OSMR: variants seen among roughly 807,000 people sequenced by gnomAD.
The protein encoded by OSMR is oncostatin-M-specific receptor subunit beta.
In OSMR, 81 loss-of-function variants were observed where a neutral mutation model predicts 99.9. The ratio of observed to expected loss-of-function variants is 0.81; its 90% CI spans 0.68 to 0.97. OSMR has a LOEUF of 0.97. Among genes scored for constraint, OSMR ranks in the 50% least tolerant of loss-of-function variants. OSMR has a pLI of 0.00. For missense variants in OSMR, 1,099 were observed against 1,153.4 expected (o/e 0.95, Z 0.68); for synonymous variants, 406 against 410.4 (o/e 0.99, Z 0.13).
intron 1 of OSMR, chr5:38,942,297 T>C: frequency 1.3e-6 from 2 of 1,549,402 alleles, no homozygotes; most frequent in Non-Finnish European, 1.8e-6. Flanking sequence ...CCATCATAAA[T>C]ATGAGGTCAG....
At chr5:38,945,502 C>T (rs763528735), downstream of OSMR, 2 of 1,608,746 alleles carry the variant, frequency 1.2e-6, no homozygotes, top group South Asian at 1.1e-5. Context: ...TGAATGACTA[C>T]ATATTGCACT....
At position 38,881,634 on chromosome 5, in the gene OSMR, T is replaced by C. The variant is rs1322000925; in HGVS notation, c.288T>C (p.His96=). Residue 96 remains histidine (H), a synonymous_variant, in exon 4 of 18, where the codon CAT becomes CAC. Coordinates refer to ENST00000274276, the MANE Select transcript of OSMR (RefSeq NM_003999.3). ...STTVKWNQVL[H]WSWESELPLE... ...CTGTGAAGTGGAACCAGGTTCTGCA[T>C]TGGAGCTGGGAATCTGAGCTCCCTT... 6 of 1,614,004 alleles carry C rather than the reference T, an allele frequency of 3.7e-6. No homozygotes were observed. In the African/African-American group the frequency reaches 4.0e-5, roughly 11 times the overall value.
chr5:38,923,150 A>G lies in OSMR; in HGVS notation c.1766A>G (p.Asp589Gly), dbSNP rs763920981. Reference sequence around the variant, plus strand: ...AAATCTGTTGACTTTTTTTCCCTAGATGCTTTTAGGCCAGGAGTTCGATAT... The same window carrying G: ...AAATCTGTTGACTTTTTTTCCCTAGGTGCTTTTAGGCCAGGAGTTCGATAT... ...PNTTSTVIST[D>G]AFRPGVRYDF... Residue 589 changes from aspartate (D) to glycine (G), a missense_variant and splice_region_variant, in exon 13 of 18, where the codon GAT becomes GGT. By Grantham distance (94) the Asp-to-Gly change is moderately conservative (BLOSUM62 -1). Transcript: ENST00000274276. 1 of 1,613,036 alleles carries G rather than the reference A, an allele frequency of 6.2e-7. No individual in the cohort carries two copies. The highest frequency in any genetic ancestry group is 1.1e-5 in the South Asian group (1 of 91,042).
intron 7 of OSMR, among the ~76,000 whole-genome samples, chr5:38,894,472 C>T (rs895411228): frequency 3.3e-5 from 5 of 151,908 alleles, no homozygotes. Context: ...GTAATGACAT[C>T]TATAGGCTCA....
At chr5:38,906,822 A>G (rs1337210759) in intron 9 of OSMR, among the ~76,000 whole-genome samples, 3 of 152,226 alleles carry the variant, frequency 2.0e-5, no homozygotes, top group African/African-American at 7.2e-5. Flanking sequence ...TCTTCTTTCA[A>G]AGAAATGTTC....
At chr5:38,852,718 A>T (rs930520877) in intron 1 of OSMR, among the ~76,000 whole-genome samples, 51 of 70,668 alleles carry the variant, frequency 7.2e-4, no homozygotes, top group Admixed American at 1.0e-3. Context: ...TATTGTTTTC[A>T]TTTTTTTTTT....
chr5:38,933,434 A>C lies in OSMR; in HGVS notation c.2930A>C (p.His977Pro), dbSNP rs1272836507. ...SSITLLDPGE[H>P]YC ...ATTACCCTTTTAGATCCAGGTGAACACTACTGCTAACCAGCATGCCGATTT... is the reference window on the plus strand; with the variant it reads ...ATTACCCTTTTAGATCCAGGTGAACCCTACTGCTAACCAGCATGCCGATTT... The change falls in exon 18 of 18, where the codon CAC (histidine) becomes CCC (proline). Residue 977 changes from histidine to proline, a missense_variant. Transcript: ENST00000274276. The C allele has an allele frequency of 1.9e-6, 3 of 1,614,140 alleles. No individual in the cohort carries two copies.
At chr5:38,904,271 C>T in intron 8 of OSMR, 82 bp from the exon 9 acceptor site, 1 of 1,551,814 alleles carries the variant, frequency 6.4e-7, no homozygotes. Flanking sequence ...CTCTGGTTTG[C>T]CTTTGTAATG....
intron 7 of OSMR, among the ~76,000 whole-genome samples, chr5:38,892,339 C>G (rs1744216209): frequency 6.6e-6 from 1 of 152,148 alleles, no homozygotes; most frequent in African/African-American, 2.4e-5. Flanking sequence ...CTGCCTGCCC[C>G]TGCCTGAGAG....
At chr5:38,898,170 G>C (rs1744644998) in intron 7 of OSMR, among the ~76,000 whole-genome samples, 1 of 152,092 alleles carries the variant, frequency 6.6e-6, no homozygotes, top group Non-Finnish European at 1.5e-5. Flanking sequence ...TTTCTGTCTG[G>C]AAGATTGGTC....
chr5:38,886,273 A>G (rs1352515583), intron 7 of OSMR, 83 bp downstream of exon 7: 1 of 1,608,174 alleles, frequency 6.2e-7, no homozygotes, highest in South Asian at 1.1e-5. Context: ...AATGTGCTGT[A>G]GATCTTTGCC....
At chr5:38,892,629 G>A (rs1744234714) in intron 7 of OSMR, among the ~76,000 whole-genome samples, 1 of 152,154 alleles carries the variant, frequency 6.6e-6, no homozygotes, top group Non-Finnish European at 1.5e-5. Flanking sequence ...TGCCACATCG[G>A]AGAACAGACA....
chr5:38,941,896 A>T (rs985486584), intron 1 of OSMR: 2 of 234,232 alleles, frequency 8.5e-6, no homozygotes, highest in African/African-American at 4.4e-5. Context: ...TAGTTAACAA[A>T]CAAGGCATCT....
Position 38,886,068 on chromosome 5 carries a change from A to T in OSMR, c.869A>T (p.His290Leu). ...TCTGGGGAAAAGAAACTTTGTACAC[A>T]CAAAAACTGGTGTAATTGGCAAATA... Reference protein sequence around the residue: ...SFSGEKKLCTHKNWCNWQITQ... With the variant: ...SFSGEKKLCTLKNWCNWQITQ... The change falls in exon 7 of 18, where the codon CAC becomes CTC. Residue 290 changes from histidine to leucine, a missense_variant. Transcript: ENST00000274276. 6.2e-7 allele frequency: 1 copy of T among 1,613,806 alleles called. No individual in the cohort carries two copies.
At chr5:38,887,278 G>A (rs1484223872) in intron 7 of OSMR, among the ~76,000 whole-genome samples, 1 of 151,978 alleles carries the variant, frequency 6.6e-6, no homozygotes, top group Non-Finnish European at 1.5e-5. Flanking sequence ...TATTTTAAAG[G>A]TATCATTTCC....
At chr5:38,928,077 A>G (rs552359809) in intron 15 of OSMR, among the ~76,000 whole-genome samples, 11 of 152,294 alleles carry the variant, frequency 7.2e-5, no homozygotes, top group Non-Finnish European at 1.5e-5. Flanking sequence ...CCTGGACTTC[A>G]TTGTTCATAT....
At chr5:38,863,569 G>T (rs994077561) in intron 1 of OSMR, among the ~76,000 whole-genome samples, 5 of 152,074 alleles carry the variant, frequency 3.3e-5, no homozygotes, top group Admixed American at 3.3e-4. Flanking sequence ...CTTGTTTTGT[G>T]GTCTAAAATA....
chr5:38,894,334 G>A (rs1269980911), intron 7 of OSMR, among the ~76,000 whole-genome samples: 1 of 151,458 alleles, frequency 6.6e-6, no homozygotes, highest in Non-Finnish European at 1.5e-5. Context: ...TATAAATCTG[G>A]AATGTAAACA....
At chr5:38,916,063 A>G (rs1040549989) in intron 9 of OSMR, among the ~76,000 whole-genome samples, 1 of 152,230 alleles carries the variant, frequency 6.6e-6, no homozygotes, top group African/African-American at 2.4e-5. Flanking sequence ...ATACCATGAC[A>G]AAATTGTATC....
Sources: allele counts gnomAD v4.1 joint callset (sites outside exome capture counted in the v4.1 genomes callset), GRCh38; gene constraint gnomAD v4.1.1; transcripts MANE v1.5; gene names NCBI Gene and HGNC (gene_info 2026-07-23, HGNC 2026-07-21).